Variants in MFNG observed in about 807,000 individuals in gnomAD.
MFNG encodes the protein MFNG O-fucosylpeptide 3-beta-N-acetylglucosaminyltransferase, also known as beta-1,3-N-acetylglucosaminyltransferase manic fringe.
A neutral mutation model predicts 34.2 loss-of-function variants in MFNG; 24 were observed. That is an observed-to-expected ratio of 0.70 (90% CI 0.51 to 0.99). The LOEUF (loss-of-function observed/expected upper bound fraction) is 0.99. Ranked by LOEUF, MFNG falls within the 50% of genes least tolerant of loss-of-function variation. The probability of loss-of-function intolerance (pLI) is 0.00; values close to 1 mark genes in which losing one functional copy is unlikely to be tolerated. For synonymous variants in MFNG, 158 were observed against 179.2 expected (o/e 0.88, Z 0.94); for missense variants, 383 against 424.0 (o/e 0.90, Z 0.85).
In MFNG at chr22:37,475,845, C is replaced by A. The variant is rs529122917; in HGVS notation, c.647+1051G>T. ...GGGGCACCCCAGGCACACGGATGAC[C>A]CTGGTCATGTGTACACACACAGTTC... On this transcript the variant is annotated intron_variant, in intron 5 of 7. Transcript: ENST00000356998. 3.9e-5 allele frequency among the ~76,000 whole-genome samples: 6 copies of A among 152,328 alleles called. No individual in the cohort carries two copies. In the South Asian group the frequency reaches 1.2e-3, roughly 32 times the overall value.
chr22:37,471,515 C>T (rs1014658198), intron 7 of MFNG, among the ~76,000 whole-genome samples: 8 of 152,112 alleles, frequency 5.3e-5, no homozygotes, highest in African/African-American at 9.7e-5. Flanking sequence ...ACCCCCATCC[C>T]GCCACCCCTG....
At chr22:37,470,177 G>A in intron 7 of MFNG, 148 bp from the exon 8 acceptor site, 1 of 632,652 alleles carries the variant, frequency 1.6e-6, no homozygotes, top group Non-Finnish European at 2.9e-6. Flanking sequence ...AGAATTCTTT[G>A]TTGTGGAGCT....
At chr22:37,478,250 T>C (rs1258619984) in intron 4 of MFNG, among the ~76,000 whole-genome samples, 3 of 152,134 alleles carry the variant, frequency 2.0e-5, no homozygotes, top group Non-Finnish European at 4.4e-5. Flanking sequence ...GCCCAGCTCC[T>C]GCACCAGGCA....
At chr22:37,481,552 G>A (rs907638487) in intron 1 of MFNG, among the ~76,000 whole-genome samples, 2 of 152,172 alleles carry the variant, frequency 1.3e-5, no homozygotes, top group Non-Finnish European at 2.9e-5. Context: ...ACATGGATGC[G>A]ACAAAGACAA....
At position 37,485,183 on chromosome 22, in the gene MFNG, G is replaced by GTACA; in HGVS notation, c.255+739_255+740insTGTA. 6.7e-6 allele frequency among the ~76,000 whole-genome samples: 1 copy of GTACA among 149,904 alleles called. No individual in the cohort carries two copies. The highest frequency in any genetic ancestry group is 1.5e-5 in the Non-Finnish European group (1 of 67,230). Reference sequence around the variant, plus strand: ...GCACACTCCAGCTCCGTGCGTGTGAGCACACACACACACACACACACAATC... The same window carrying GTACA: ...GCACACTCCAGCTCCGTGCGTGTGAGTACACACACACACACACACACACACAATC... On this transcript the variant is annotated intron_variant, in intron 1 of 7. Transcript: ENST00000356998. The surrounding 1 kb of genome is among the most constrained non-coding windows in gnomAD (Gnocchi z 5.3).
chr22:37,474,722 C>T lies in MFNG; in HGVS notation c.648-45G>A. 4 of 1,536,454 alleles carry T rather than the reference C, an allele frequency of 2.6e-6. 1 individual carries two copies. Among genetic ancestry groups the T allele is most frequent in the African/African-American group, 2.8e-5 (2 of 72,630 alleles). On this transcript the variant is annotated intron_variant, in intron 5 of 7. Coordinates refer to ENST00000356998, the MANE Select transcript of MFNG (RefSeq NM_002405.4). ...TGCAGACGCTGGCCCAGGCCCTCCA[C>T]ACCCAGAGCCGTGGGCCACCCCATG...
chr22:37,480,468 A>T, intron 2 of MFNG, 169 bp from the exon 3 acceptor site: 1 of 660,814 alleles, frequency 1.5e-6, no homozygotes, highest in Admixed American at 2.6e-5. Flanking sequence ...GCCCAGGACC[A>T]CAGACCTAGT....
At chr22:37,470,422 G>A (rs1173698423) in intron 7 of MFNG, among the ~76,000 whole-genome samples, 1 of 152,192 alleles carries the variant, frequency 6.6e-6, no homozygotes, top group African/African-American at 2.4e-5. Context: ...TGAATCTCTA[G>A]GTGGCTCCAG....
At chr22:37,477,662 C>A (rs1922103067) in intron 4 of MFNG, among the ~76,000 whole-genome samples, 1 of 152,132 alleles carries the variant, frequency 6.6e-6, no homozygotes, top group Non-Finnish European at 1.5e-5. Flanking sequence ...GTTGGCCAGG[C>A]TGGTCTCAAA....
intron 6 of MFNG, among the ~76,000 whole-genome samples, chr22:37,473,803 G>C (rs1921916412): frequency 6.6e-6 from 1 of 152,232 alleles, no homozygotes; most frequent in Non-Finnish European, 1.5e-5. Context: ...GAGCTTCTCA[G>C]TTATGTGAGC....
In MFNG at chr22:37,480,313, G is replaced by A. The variant is rs751066201; in HGVS notation, c.305-14C>T. Reference sequence around the variant, plus strand: ...CAAGGTGGGACCCTGGAGAAGTGAGGAGGAGTCAGGGGACCCTGCCCAGGT... The same window carrying A: ...CAAGGTGGGACCCTGGAGAAGTGAGAAGGAGTCAGGGGACCCTGCCCAGGT... On this transcript the variant is annotated splice_polypyrimidine_tract_variant and intron_variant, in intron 2 of 7. Transcript: ENST00000356998. The A allele has an allele frequency of 2.5e-6, 4 of 1,608,220 alleles. No individual in the cohort carries two copies. The Admixed American group carries it at 5.0e-5, about 20-fold the overall frequency.
At position 37,485,678 on chromosome 22, in the gene MFNG, C is replaced by A. The variant is rs1922514046; in HGVS notation, c.255+245G>T. Among the ~76,000 whole-genome samples the A allele has an allele frequency of 6.6e-6, 1 of 152,170 alleles. No individual in the cohort carries two copies. Among genetic ancestry groups the A allele is most frequent in the Non-Finnish European group, 1.5e-5 (1 of 68,014 alleles). ...AGCCTGGAGCAGGGGCCCAGCCTGG[C>A]CCCCAAAAGTGGTGGAGCGGTAGGA... is the stretch of plus-strand genomic sequence containing the variant. On this transcript the variant is annotated intron_variant, in intron 1 of 7. Transcript: ENST00000356998. This position sits in a 1 kb window ranked among gnomAD's most constrained non-coding sequence, Gnocchi z 5.3.
At chr22:37,474,147 C>G (rs28669209) in intron 6 of MFNG, among the ~76,000 whole-genome samples, 7 of 152,108 alleles carry the variant, frequency 4.6e-5, no homozygotes, top group Non-Finnish European at 7.4e-5. Context: ...CTGGGCTCCC[C>G]GGGAGGAATG....
rs550988955 is a variant in MFNG at position 37,472,674 on chromosome 22, A to C, written c.814-146T>G. Reference sequence around the variant, plus strand: ...AATTCCCCGCTGGTGGTGGGAGCCCACCCCACGCCCCAAGGCACTTCACAG... The same window carrying C: ...AATTCCCCGCTGGTGGTGGGAGCCCCCCCCACGCCCCAAGGCACTTCACAG... On this transcript the variant is annotated intron_variant, in intron 6 of 7. Coordinates refer to ENST00000356998, the MANE Select transcript of MFNG (RefSeq NM_002405.4). The C allele has an allele frequency of 1.0e-5, 7 of 681,736 alleles. No homozygotes were observed. The African/African-American group carries it at 1.1e-4, about 11-fold the overall frequency. 42.2% of individuals were successfully genotyped at this position (681,736 alleles called of 1,614,324 possible).
At chr22:37,480,170 T>C in intron 3 of MFNG, 27 bp downstream of exon 3, 1 of 1,575,384 alleles carries the variant, frequency 6.3e-7, no homozygotes, top group Non-Finnish European at 8.7e-7. Context: ...AGACCACACT[T>C]ATCCCCAGAG....
At chr22:37,473,669 A>G (rs909549390) in intron 6 of MFNG, among the ~76,000 whole-genome samples, 2 of 152,156 alleles carry the variant, frequency 1.3e-5, no homozygotes, top group Non-Finnish European at 2.9e-5. Flanking sequence ...CATCAAATCA[A>G]TGAACGCCAG....
chr22:37,472,512 C>A lies in MFNG; in HGVS notation c.830G>T (p.Gly277Val). ...QLPEQVTLSY[G>V]VFEGKLNVIK... is the part of the protein sequence containing the mutation. ...GACGTTGAGTTTCCCCTCAAAGACA[C>A]CGTAGCTGAGGGTGACCTGGGCAGG... Residue 277 changes from glycine (G) to valine (V), a missense_variant, in exon 7 of 8, where the codon GGT becomes GTT. By Grantham distance (109) the Gly-to-Val change is moderately radical. Transcript: ENST00000356998. 3.2e-6 allele frequency: 5 copies of A among 1,581,348 alleles called. No homozygotes were observed. The highest frequency in any genetic ancestry group is 4.3e-6 in the Non-Finnish European group (5 of 1,166,606).
Position 37,480,787 on chromosome 22 carries a change from G to C in MFNG, c.256-18C>G. On this transcript the variant is annotated intron_variant, in intron 1 of 7. Coordinates refer to ENST00000356998, the MANE Select transcript of MFNG (RefSeq NM_002405.4). ...ACAAATGTCTAGGAAGGAGAAGAAG[G>C]GGTCAGGACTCACATCGGCCCAAGG... 1 of 1,612,304 alleles carries C rather than the reference G, an allele frequency of 6.2e-7. No homozygotes were observed. The highest frequency in any genetic ancestry group is 8.5e-7 in the Non-Finnish European group (1 of 1,179,262).
At chr22:37,472,580 AG>A in intron 6 of MFNG, 52 bp from the exon 7 acceptor site, 4 of 1,485,816 alleles carry the variant, frequency 2.7e-6, no homozygotes, top group Admixed American at 4.3e-5. Context: ...GATCCCCACA[AG>A]GGGGCAGCAT....
Sources: gnomAD v4.1 joint callset for allele counts (sites outside exome capture counted in the v4.1 genomes callset) on GRCh38, gnomAD v4.1.1 for gene constraint, Gnocchi (gnomAD v3.1) non-coding constraint, MANE v1.5 for transcripts, NCBI Gene and HGNC (gene_info 2026-07-23, HGNC 2026-07-21) for gene names.